ALPK1: variants seen among roughly 807,000 people sequenced by gnomAD.
ALPK1 encodes the protein alpha kinase 1.
In ALPK1, 110 loss-of-function variants were observed where a neutral mutation model predicts 120.6. That is an observed-to-expected ratio of 0.91 (90% CI 0.78 to 1.07). The LOEUF (loss-of-function observed/expected upper bound fraction) is 1.07, where lower values mean the gene tolerates loss of function less well. Ranked by LOEUF, ALPK1 falls within the 50% of genes least tolerant of loss-of-function variation. The pLI is 0.00. For synonymous variants in ALPK1, 582 were observed against 560.3 expected (o/e 1.04, Z -0.55); for missense variants, 1,498 against 1,483.9 (o/e 1.01, Z -0.16).
Position 112,363,628 on chromosome 4 carries a change from G to A in ALPK1, c.-100-14050G>A, listed in dbSNP as rs531129130. Among the ~76,000 whole-genome samples the A allele has an allele frequency of 1.1e-4, 17 of 152,162 alleles. 2 individuals carry two copies. The highest frequency in any genetic ancestry group is 1.0e-3 in the South Asian group (5 of 4,812). ...TAGTGAGGGACTTCAGTACTCCACC[G>A]ACAGCACTAGACAGGTCATCAAGAG... On this transcript the variant is annotated intron_variant, in intron 2 of 15. Transcript: ENST00000650871.
chr4:112,400,964 G>A (rs1732882505), intron 4 of ALPK1, among the ~76,000 whole-genome samples: 1 of 152,176 alleles, frequency 6.6e-6, no homozygotes, highest in Non-Finnish European at 1.5e-5. Flanking sequence ...GTTGGGGAAA[G>A]AGCCTGGAAG....
chr4:112,300,691 G>C (rs755138162), intron 1 of ALPK1, among the ~76,000 whole-genome samples: 5 of 150,444 alleles, frequency 3.3e-5, no homozygotes, highest in Non-Finnish European at 4.4e-5. Flanking sequence ...TAATTCTTTT[G>C]GCTTAAAGAT....
chr4:112,411,388 C>G (rs998913862), intron 4 of ALPK1, among the ~76,000 whole-genome samples: 2 of 152,168 alleles, frequency 1.3e-5, no homozygotes, highest in African/African-American at 4.8e-5. Flanking sequence ...CCACACCCAG[C>G]TAATTTTTGT....
chr4:112,358,319 G>A (rs940160318), intron 2 of ALPK1: 129 of 596,302 alleles, frequency 2.2e-4, no homozygotes, highest in East Asian at 1.7e-4. Flanking sequence ...CATCCAAGAC[G>A]TAGCCCAGTT....
chr4:112,321,386 G>A (rs1194000131), intron 2 of ALPK1, among the ~76,000 whole-genome samples: 1 of 151,914 alleles, frequency 6.6e-6, no homozygotes, highest in African/African-American at 2.4e-5. Context: ...TCTTCTGCTG[G>A]GTTTGGGTTT....
At chr4:112,361,503 G>C (rs1173982961) in intron 2 of ALPK1, among the ~76,000 whole-genome samples, 2 of 152,160 alleles carry the variant, frequency 1.3e-5, no homozygotes, top group Non-Finnish European at 2.9e-5. Flanking sequence ...TAATCCCCCT[G>C]GGAGCATAAC....
intron 5 of ALPK1, chr4:112,412,492 A>G: frequency 4.4e-6 from 2 of 456,662 alleles, no homozygotes. Context: ...CATCATTCAG[A>G]ACACCGGTAC....
chr4:112,390,079 T>G (rs938373080), intron 4 of ALPK1, among the ~76,000 whole-genome samples: 1 of 152,192 alleles, frequency 6.6e-6, no homozygotes, highest in African/African-American at 2.4e-5. Flanking sequence ...TTGTGCAAAC[T>G]ACAACTCTAG....
intron 2 of ALPK1, among the ~76,000 whole-genome samples, chr4:112,376,640 C>A (rs1054542162): frequency 1.3e-5 from 2 of 152,220 alleles, no homozygotes; most frequent in African/African-American, 4.8e-5. Context: ...AATCCCAACA[C>A]CAACACAATA....
Position 112,425,691 on chromosome 4 carries a change from GA to G in ALPK1, c.563del (p.Asp188AlafsTer29), listed in dbSNP as rs766249760. 9.3e-6 allele frequency: 15 copies of G among 1,613,188 alleles called. 1 individual carries two copies. In the African/African-American group the frequency reaches 1.7e-4, roughly 19 times the overall value. On this transcript the variant is annotated frameshift_variant, in exon 7 of 16. Coordinates refer to ENST00000650871, the MANE Select transcript of ALPK1 (RefSeq NM_025144.4). LOFTEE classifies it high-confidence loss of function. ...TACCTGGCTGTACAGAAATGAAAGTGACAAGGTCCTGGTGCAGTCGGTCTGT... is the reference window on the plus strand; with the variant it reads ...TACCTGGCTGTACAGAAATGAAAGTGCAAGGTCCTGGTGCAGTCGGTCTGT... Reference protein sequence around the residue: ...TGTWLYRNESDKVLVQSVCIQ... With the variant: ...TGTWLYRNESXKVLVQSVCIQ...
chr4:112,298,712 A>G (rs1727652549), intron 1 of ALPK1, among the ~76,000 whole-genome samples: 3 of 152,206 alleles, frequency 2.0e-5, no homozygotes, highest in South Asian at 2.1e-4. Flanking sequence ...ATTATCATAT[A>G]TAATAATACT....
At chr4:112,415,547 G>T (rs1266520678) in intron 5 of ALPK1, among the ~76,000 whole-genome samples, 2 of 151,618 alleles carry the variant, frequency 1.3e-5, no homozygotes, top group East Asian at 3.9e-4. Context: ...TGAGGCGGGA[G>T]AATTGCTTGA....
At chr4:112,439,613 C>A in intron 13 of ALPK1, 73 bp from the exon 14 acceptor site, 1 of 1,390,230 alleles carries the variant, frequency 7.2e-7, no homozygotes, top group Non-Finnish European at 9.6e-7. Flanking sequence ...TAGGTTCAAA[C>A]CAAGATTTAC....
intron 4 of ALPK1, 104 bp downstream of exon 4, chr4:112,382,656 C>CT: frequency 6.7e-7 from 1 of 1,493,684 alleles, no homozygotes. Context: ...AGACAGCCCC[C>CT]TACCCTTATG....
intron 4 of ALPK1, among the ~76,000 whole-genome samples, chr4:112,398,949 C>A (rs1172555908): frequency 6.6e-6 from 1 of 152,086 alleles, no homozygotes; most frequent in Non-Finnish European, 1.5e-5. Context: ...TGAGTCATCA[C>A]TACAGAAACA....
intron 11 of ALPK1, 55 bp downstream of exon 11, chr4:112,432,636 C>T (rs1340710145): frequency 1.3e-6 from 2 of 1,503,534 alleles, no homozygotes; most frequent in Non-Finnish European, 1.8e-6. Context: ...TGTTGGGGCA[C>T]TCTGAAGAGC....
At chr4:112,346,409 G>C (rs1730107420) in intron 2 of ALPK1, among the ~76,000 whole-genome samples, 2 of 152,186 alleles carry the variant, frequency 1.3e-5, no homozygotes, top group Admixed American at 6.5e-5. Context: ...GACACGTTTT[G>C]TGATATGTGG....
chr4:112,424,083 A>C, intron 6 of ALPK1, 80 bp downstream of exon 6: 4 of 1,325,500 alleles, frequency 3.0e-6, no homozygotes, highest in Non-Finnish European at 4.3e-6. Flanking sequence ...TTAGTGACTT[A>C]ATAGTTACTA....
At chr4:112,437,878 C>G (rs533779251) in intron 12 of ALPK1, among the ~76,000 whole-genome samples, 2 of 152,310 alleles carry the variant, frequency 1.3e-5, no homozygotes, top group East Asian at 3.9e-4. Flanking sequence ...CAAGTATAAA[C>G]TACAGTAAAG....
Sources: allele counts gnomAD v4.1 joint callset (sites outside exome capture counted in the v4.1 genomes callset), GRCh38; gene constraint gnomAD v4.1.1; transcripts MANE v1.5; gene names NCBI Gene and HGNC (gene_info 2026-07-23, HGNC 2026-07-21).